The following BACH2 variants were observed in gnomAD, a reference collection of about 807,000 sequenced individuals.
The protein encoded by BACH2 is transcription regulator protein BACH2.
BACH2 carries 5 observed loss-of-function variants against 61.8 expected under a neutral mutation model. That is an observed-to-expected ratio of 0.08 (90% CI 0.04 to 0.17). The LOEUF (loss-of-function observed/expected upper bound fraction) is 0.17. Among genes scored for constraint, BACH2 ranks in the 10% least tolerant of loss-of-function variants. BACH2 has a pLI of 1.00. For missense variants in BACH2, 824 were observed against 1,091.1 expected (o/e 0.76, Z 3.45); for synonymous variants, 446 against 440.1 (o/e 1.01, Z -0.17).
intron 4 of BACH2, among the ~76,000 whole-genome samples, chr6:90,196,898 T>C (rs1367033094): frequency 6.6e-6 from 1 of 152,122 alleles, no homozygotes; most frequent in East Asian, 1.9e-4. Context: ...TAAACTATGA[T>C]TAGTCAAATC....
chr6:90,180,309 A>G (rs1399401733), intron 4 of BACH2, among the ~76,000 whole-genome samples: 1 of 152,190 alleles, frequency 6.6e-6, no homozygotes, highest in Non-Finnish European at 1.5e-5. Flanking sequence ...AAATAGCTAA[A>G]TGTTTAAATG....
At chr6:90,207,570 T>TC (rs1769193072) in intron 3 of BACH2, among the ~76,000 whole-genome samples, 1 of 152,216 alleles carries the variant, frequency 6.6e-6, no homozygotes, top group Non-Finnish European at 1.5e-5. Context: ...AATTTGTGTG[T>TC]TATTTTTTTA....
intron 5 of BACH2, among the ~76,000 whole-genome samples, chr6:90,080,981 GCCACTGAGACAA>G (rs1781700910): frequency 6.6e-6 from 1 of 152,038 alleles, no homozygotes; most frequent in African/African-American, 2.4e-5. Flanking sequence ...TGGGTCATAC[GCCACTGAGACAA>G]CCACACCGCC....
At chr6:89,996,077 T>C (rs1234837663) in intron 6 of BACH2, among the ~76,000 whole-genome samples, 1 of 152,220 alleles carries the variant, frequency 6.6e-6, no homozygotes, top group Non-Finnish European at 1.5e-5. Context: ...TTTCCAGTCA[T>C]TGCCTATGCT....
intron 3 of BACH2, among the ~76,000 whole-genome samples, chr6:90,250,393 A>G (rs1562526276): frequency 6.6e-6 from 1 of 152,244 alleles, no homozygotes; most frequent in East Asian, 1.9e-4. Flanking sequence ...AAAGGAGTCA[A>G]CTTTCCATGT....
intron 5 of BACH2, among the ~76,000 whole-genome samples, chr6:90,056,249 T>C (rs1477250895): frequency 6.6e-6 from 1 of 152,072 alleles, no homozygotes; most frequent in African/African-American, 2.4e-5. Context: ...GAGACACACA[T>C]AGGCTCCAAA....
intron 5 of BACH2, among the ~76,000 whole-genome samples, chr6:90,047,465 G>A (rs936097646): frequency 3.9e-5 from 6 of 152,256 alleles, no homozygotes; most frequent in East Asian, 1.9e-4. Context: ...ACCCCACCTC[G>A]TTCATTCTCT....
At chr6:89,990,747 C>T (rs1221063834) in intron 6 of BACH2, among the ~76,000 whole-genome samples, 1 of 152,122 alleles carries the variant, frequency 6.6e-6, no homozygotes, top group African/African-American at 2.4e-5. Context: ...TACTCCCCTC[C>T]TCCTAGATTT....
At chr6:90,003,509 T>C (rs921352504) in intron 6 of BACH2, among the ~76,000 whole-genome samples, 1 of 152,256 alleles carries the variant, frequency 6.6e-6, no homozygotes, top group African/African-American at 2.4e-5. Flanking sequence ...ATTAATTTCC[T>C]CTTTTTCCTC....
chr6:90,000,162 C>G (rs888035194), intron 6 of BACH2, among the ~76,000 whole-genome samples: 5 of 152,182 alleles, frequency 3.3e-5, no homozygotes, highest in African/African-American at 1.2e-4. Flanking sequence ...GTATCAGCAC[C>G]ACAGCCTCCA....
intron 6 of BACH2, among the ~76,000 whole-genome samples, chr6:89,959,097 G>GCACGCACA (rs1491367437): frequency 1.5e-5 from 2 of 134,404 alleles, no homozygotes; most frequent in African/African-American, 2.8e-5. Context: ...ATGCACAAGT[G>GCACGCACA]CACACACACA....
At chr6:90,220,579 G>A (rs955904410) in intron 3 of BACH2, among the ~76,000 whole-genome samples, 2 of 152,162 alleles carry the variant, frequency 1.3e-5, no homozygotes, top group Non-Finnish European at 2.9e-5. Flanking sequence ...ATCTGAAATA[G>A]GTGTTGTGTT....
At chr6:90,141,025 C>T (rs1307306765) in intron 4 of BACH2, among the ~76,000 whole-genome samples, 1 of 152,024 alleles carries the variant, frequency 6.6e-6, no homozygotes, top group African/African-American at 2.4e-5. Flanking sequence ...AAAGGACTGG[C>T]TAAATAGATG....
At chr6:90,232,673 T>C (rs1465614644) in intron 3 of BACH2, among the ~76,000 whole-genome samples, 2 of 152,272 alleles carry the variant, frequency 1.3e-5, no homozygotes, top group Non-Finnish European at 2.9e-5. Flanking sequence ...AAACTAATGC[T>C]AGCCAATACC....
intron 3 of BACH2, 64 bp from the exon 4 acceptor site, chr6:90,206,745 T>C (rs1276824857): frequency 1.3e-5 from 2 of 152,476 alleles, no homozygotes; most frequent in East Asian, 3.8e-4. Context: ...AGCACTGCCA[T>C]GTCCAGTGGC....
chr6:90,225,248 G>A (rs1769873386), intron 3 of BACH2, among the ~76,000 whole-genome samples: 1 of 152,132 alleles, frequency 6.6e-6, no homozygotes, highest in Admixed American at 6.5e-5. Flanking sequence ...GGGCATGGTG[G>A]TGCATGCCTG....
intron 5 of BACH2, among the ~76,000 whole-genome samples, chr6:90,016,569 T>G (rs1778075313): frequency 6.6e-6 from 1 of 152,176 alleles, no homozygotes; most frequent in Non-Finnish European, 1.5e-5. Flanking sequence ...ATGCTTCCAT[T>G]TCTCCCTTCC....
At chr6:90,135,610 A>T (rs538055080) in intron 4 of BACH2, among the ~76,000 whole-genome samples, 34 of 152,194 alleles carry the variant, frequency 2.2e-4, no homozygotes, top group Admixed American at 1.4e-3. Flanking sequence ...CAGATACTCG[A>T]GAGCTGAGTA....
chr6:90,215,204 G>C (rs1769491967), intron 3 of BACH2, among the ~76,000 whole-genome samples: 1 of 152,110 alleles, frequency 6.6e-6, no homozygotes, highest in Non-Finnish European at 1.5e-5. Context: ...ACCAGTTTCT[G>C]CCAAAACAGT....
Sources: allele counts gnomAD v4.1 joint callset (sites outside exome capture counted in the v4.1 genomes callset), GRCh38; gene constraint gnomAD v4.1.1; transcripts MANE v1.5; gene names NCBI Gene and HGNC (gene_info 2026-07-23, HGNC 2026-07-21).